Variants in FAM149A observed in about 807,000 individuals in gnomAD.
The protein encoded by FAM149A is family with sequence similarity 149 member A, also known as protein FAM149A.
Under a neutral mutation model 78.2 loss-of-function variants are expected in FAM149A, and 71 were observed. The observed-to-expected ratio is 0.91, with a 90% CI of 0.75 to 1.11. The LOEUF is 1.11. Ranked by LOEUF, FAM149A falls within the 50% of genes least tolerant of loss-of-function variation. The pLI is 0.00. For synonymous variants in FAM149A, 446 were observed against 410.5 expected (o/e 1.09, Z -1.04); for missense variants, 1,036 against 971.0 (o/e 1.07, Z -0.89).
intron 1 of FAM149A, chr4:186,133,022 G>A: frequency 1.0e-6 from 1 of 985,352 alleles, no homozygotes; most frequent in Non-Finnish European, 1.2e-6. Flanking sequence ...GAGCTGGCCT[G>A]CACTCAGCAC....
intron 1 of FAM149A, among the ~76,000 whole-genome samples, chr4:186,130,965 C>G (rs971027040): frequency 3.3e-5 from 5 of 152,152 alleles, no homozygotes; most frequent in African/African-American, 1.2e-4. Flanking sequence ...TGTTAAGCCC[C>G]TAACTCCTAG....
Position 186,165,436 on chromosome 4 carries a change from C to T in FAM149A, c.1982C>T (p.Thr661Ile). ...GTCACGGAGACCAGGGGGCAGAATACAGCAGTTCCTGGATGCCGCCTTGTT... is the reference window on the plus strand; with the variant it reads ...GTCACGGAGACCAGGGGGCAGAATATAGCAGTTCCTGGATGCCGCCTTGTT... Residue 661 changes from threonine to isoleucine, a missense_variant, in exon 11 of 14, where the codon ACA becomes ATA. By Grantham distance (89) the Thr-to-Ile change is moderately conservative. Transcript: ENST00000389354. The T allele has an allele frequency of 6.2e-7, 1 of 1,614,176 alleles. No homozygotes were observed. The highest frequency in any genetic ancestry group is 1.1e-5 in the South Asian group (1 of 91,082).
intron 1 of FAM149A, among the ~76,000 whole-genome samples, chr4:186,112,026 G>C (rs2150079865): frequency 6.7e-6 from 1 of 149,072 alleles, no homozygotes; most frequent in African/African-American, 2.5e-5. Flanking sequence ...TCCTACCCAT[G>C]AGCATGGAAT....
At chr4:186,115,381 G>A (rs1358805848) in intron 1 of FAM149A, among the ~76,000 whole-genome samples, 3 of 149,730 alleles carry the variant, frequency 2.0e-5, no homozygotes, top group South Asian at 2.2e-4. Context: ...TTCTGAAGCC[G>A]CCTTCTCTCA....
chr4:186,149,112 T>G (rs1579873386), intron 1 of FAM149A, 61 bp from the exon 2 acceptor site: 1 of 1,217,182 alleles, frequency 8.2e-7, no homozygotes, highest in East Asian at 5.8e-5. Flanking sequence ...TTTAAAAGTC[T>G]TAATGAATAA....
At chr4:186,133,316 C>A in intron 1 of FAM149A, 1 of 502,340 alleles carries the variant, frequency 2.0e-6, no homozygotes, top group Non-Finnish European at 2.6e-6. Context: ...AGTTTTTCAT[C>A]ATCTCAAACA....
chr4:186,166,282 G>C (rs1250491099), intron 11 of FAM149A, among the ~76,000 whole-genome samples: 4 of 152,178 alleles, frequency 2.6e-5, no homozygotes, highest in Admixed American at 1.3e-4. Flanking sequence ...GTGCCACCTT[G>C]AGCCCAGCAC....
intron 1 of FAM149A, chr4:186,133,266 TCA>T: frequency 1.1e-6 from 1 of 902,956 alleles, no homozygotes; most frequent in Non-Finnish European, 1.3e-6. Context: ...AGTACCACAT[TCA>T]CAGTGTTGTG....
chr4:186,158,868 C>T, intron 8 of FAM149A: 4 of 902,932 alleles, frequency 4.4e-6, no homozygotes, highest in Admixed American at 6.2e-5. Flanking sequence ...CACAGGCCAC[C>T]AGCAAGATGG....
chr4:186,159,521 G>A (rs1054183684), intron 8 of FAM149A, among the ~76,000 whole-genome samples: 1 of 152,066 alleles, frequency 6.6e-6, no homozygotes, highest in Middle Eastern at 3.2e-3. Context: ...CAGGGGATTA[G>A]GAATCGAGAG....
rs2099310744 is a variant in FAM149A, at chr4:186,110,416, T to TGG, written c.566+4774_566+4775insGG. The TGG allele has an allele frequency of 1.1e-5, 8 of 739,610 alleles. No homozygotes were observed. In the Admixed American group the frequency reaches 5.1e-4, roughly 47 times the overall value. The allele number at this position is 739,610 out of a possible 1,614,324, so 45.8% of individuals were successfully genotyped here. A position where few individuals can be genotyped will look rare whatever the true frequency, so the allele number is the denominator to read the frequency against. ...TTCTTTTTTTTTTTTTATTATACTT[T>TGG]AAGTTTTAGGGTACATGTGCACATT... On this transcript the variant is annotated intron_variant, in intron 1 of 13. Coordinates refer to ENST00000389354, the MANE Select transcript of FAM149A (RefSeq NM_001367768.3).
At chr4:186,109,162 T>A (rs1463415654) in intron 1 of FAM149A, 1 of 985,282 alleles carries the variant, frequency 1.0e-6, no homozygotes, top group Non-Finnish European at 1.2e-6. Context: ...TATTCTCTTA[T>A]TTGTTCTGCA....
chr4:186,163,725 C>A, intron 10 of FAM149A, 92 bp downstream of exon 10: 1 of 918,942 alleles, frequency 1.1e-6, no homozygotes, highest in Non-Finnish European at 1.7e-6. Flanking sequence ...GACAAAGCAT[C>A]CCTACCTAGT....
At position 186,163,428 on chromosome 4, in the gene FAM149A, G is replaced by A; in HGVS notation, c.1684G>A (p.Glu562Lys). The A allele has an allele frequency of 2.5e-6, 4 of 1,613,166 alleles. No homozygotes were observed. Among genetic ancestry groups the A allele is most frequent in the Non-Finnish European group, 3.4e-6 (4 of 1,179,814 alleles). Residue 562 changes from glutamate to lysine, a missense_variant, in exon 10 of 14, where the codon GAG becomes AAG. Coordinates refer to ENST00000389354, the MANE Select transcript of FAM149A (RefSeq NM_001367768.3). ...CTCACAGGATTTCCTTCCCAGGAAT[G>A]AGAAGGAGGACAAAGCATCGGGTGG...
intron 1 of FAM149A, chr4:186,125,425 G>A (rs2099317892): frequency 1.3e-6 from 1 of 772,496 alleles, no homozygotes; most frequent in South Asian, 5.8e-5. Context: ...CACAAACACA[G>A]TAATGACGCT....
chr4:186,132,181 G>A (rs1366051645), intron 1 of FAM149A: 1 of 985,176 alleles, frequency 1.0e-6, no homozygotes, highest in Admixed American at 6.1e-5. Flanking sequence ...TTTAATGAAG[G>A]GCAGATTTTT....
In FAM149A at chr4:186,136,964, T is replaced by TTCTCTCTCTCTCTC. The variant is rs1386094089; in HGVS notation, c.567-12198_567-12197insCTCTCTCTCTCTCT. 2.1e-3 allele frequency among the ~76,000 whole-genome samples: 205 copies of TTCTCTCTCTCTCTC among 97,014 alleles called. 7 individuals are homozygous for TTCTCTCTCTCTCTC. Among genetic ancestry groups the TTCTCTCTCTCTCTC allele is most frequent in the South Asian group, 5.2e-3 (14 of 2,668 alleles). 63.6% of individuals were successfully genotyped at this position (97,014 alleles called of 152,430 possible). A position where few individuals can be genotyped will look rare whatever the true frequency, so the allele number is the denominator to read the frequency against. Reference sequence around the variant, plus strand: ...TCTCTCTCTCTCTCTCTCTCTCTCTTTCTCTCTCTCTTTCTCTCTCTCTCT... The same window carrying TTCTCTCTCTCTCTC: ...TCTCTCTCTCTCTCTCTCTCTCTCTTTCTCTCTCTCTCTCTCTCTCTCTCTTTCTCTCTCTCTCT... On this transcript the variant is annotated intron_variant, in intron 1 of 13. Transcript: ENST00000389354.
intron 1 of FAM149A, among the ~76,000 whole-genome samples, chr4:186,129,029 C>CT (rs537335982): frequency 1.2e-3 from 189 of 151,360 alleles, no homozygotes; most frequent in Non-Finnish European, 2.2e-3. Flanking sequence ...GCCTGCATCT[C>CT]TGTGTGTGTA....
chr4:186,170,717 C>G (rs947079529), intron 13 of FAM149A: 2 of 152,442 alleles, frequency 1.3e-5, no homozygotes, highest in African/African-American at 4.8e-5. Context: ...GAGGCCCTTT[C>G]ACCCGCCAAA....
Sources: gnomAD v4.1 joint callset for allele counts (sites outside exome capture counted in the v4.1 genomes callset) on GRCh38, gnomAD v4.1.1 for gene constraint, MANE v1.5 for transcripts, NCBI Gene and HGNC (gene_info 2026-07-23, HGNC 2026-07-21) for gene names.